The following SLC24A2 variants were observed in gnomAD, a reference collection of about 807,000 sequenced individuals.
The protein encoded by SLC24A2 is sodium/potassium/calcium exchanger 2.
Under a neutral mutation model 62.0 loss-of-function variants are expected in SLC24A2, and 36 were observed. That is an observed-to-expected ratio of 0.58 (90% CI 0.44 to 0.77). SLC24A2 has a LOEUF of 0.77. Among genes scored for constraint, SLC24A2 ranks in the 30% least tolerant of loss-of-function variants. The pLI is 0.00. For synonymous variants in SLC24A2, 358 were observed against 294.0 expected (o/e 1.22, Z -2.23); for missense variants, 846 against 817.9 (o/e 1.03, Z -0.42).
At chr9:19,597,343 T>C in intron 4 of SLC24A2, 64 bp from the exon 5 acceptor site, 1 of 1,086,860 alleles carries the variant, frequency 9.2e-7, no homozygotes. Context: ...ACTTTGTTTT[T>C]ACACATTTTT....
At chr9:19,570,602 C>T (rs1363234290) in intron 7 of SLC24A2, among the ~76,000 whole-genome samples, 3 of 152,176 alleles carry the variant, frequency 2.0e-5, no homozygotes, top group Non-Finnish European at 4.4e-5. Flanking sequence ...AAGGACACCT[C>T]GAATGGTGTT....
chr9:20,058,160 A>G, the SLC24A2 span, among the ~76,000 whole-genome samples: 1 of 152,234 alleles, frequency 6.6e-6, no homozygotes, highest in Non-Finnish European at 1.5e-5. Context: ...TCTTTCAGCC[A>G]TAACTTTTCT....
intron 2 of SLC24A2, among the ~76,000 whole-genome samples, chr9:19,679,749 C>T (rs935521834): frequency 2.6e-5 from 4 of 152,070 alleles, no homozygotes; most frequent in African/African-American, 9.7e-5. Context: ...TGGCTTTCTT[C>T]GTTCTCCATC....
At chr9:20,097,720 A>ATTTTTTTTTTTTTTTTTTT in the SLC24A2 span, among the ~76,000 whole-genome samples, 4 of 69,114 alleles carry the variant, frequency 5.8e-5, no homozygotes, top group Non-Finnish European at 1.1e-4. Flanking sequence ...ATCTTAAATA[A>ATTTTTTTTTTTTTTTTTTT]TTTTTTTTTT....
At chr9:20,276,144 C>A in the SLC24A2 span, among the ~76,000 whole-genome samples, 3 of 152,158 alleles carry the variant, frequency 2.0e-5, no homozygotes, top group Admixed American at 2.0e-4. Flanking sequence ...TCATTTCAGC[C>A]TTAACTCAAA....
At chr9:20,102,320 G>T in the SLC24A2 span, among the ~76,000 whole-genome samples, 6 of 151,268 alleles carry the variant, frequency 4.0e-5, no homozygotes, top group Admixed American at 1.3e-4. Context: ...ATAAAAAAAA[G>T]TAAGAGATCA....
At chr9:19,929,486 C>T in the SLC24A2 span, 1 of 152,226 alleles carries the variant, frequency 6.6e-6, no homozygotes, top group East Asian at 1.9e-4. Flanking sequence ...ATCCTATTGC[C>T]TGGTGACATT....
the SLC24A2 span, among the ~76,000 whole-genome samples, chr9:19,896,711 C>A: frequency 6.6e-6 from 1 of 152,108 alleles, no homozygotes; most frequent in Non-Finnish European, 1.5e-5. Context: ...TCCTTCACAG[C>A]ATTATGGTGA....
chr9:19,591,398 T>C (rs983732288), intron 5 of SLC24A2, among the ~76,000 whole-genome samples: 1 of 152,246 alleles, frequency 6.6e-6, no homozygotes, highest in Non-Finnish European at 1.5e-5. Context: ...GCCTATCCAA[T>C]ATCTATTCCA....
the SLC24A2 span, among the ~76,000 whole-genome samples, chr9:20,004,994 T>C: frequency 1.1e-4 from 16 of 152,296 alleles, no homozygotes; most frequent in East Asian, 1.9e-4. Context: ...CTCCAGTCTA[T>C]TGGTTATCAC....
chr9:19,723,189 T>G (rs1243754283), intron 2 of SLC24A2, among the ~76,000 whole-genome samples: 4 of 152,156 alleles, frequency 2.6e-5, no homozygotes, highest in African/African-American at 9.7e-5. Flanking sequence ...ATCATGCACA[T>G]TCCTGCAATT....
At chr9:20,245,485 G>A in the SLC24A2 span, among the ~76,000 whole-genome samples, 1 of 152,180 alleles carries the variant, frequency 6.6e-6, no homozygotes, top group East Asian at 1.9e-4. Context: ...GAGTGGCAAG[G>A]AATGGCTAAT....
intron 9 of SLC24A2, among the ~76,000 whole-genome samples, chr9:19,526,379 C>A (rs143568403): frequency 6.6e-6 from 1 of 152,250 alleles, no homozygotes; most frequent in Non-Finnish European, 1.5e-5. Flanking sequence ...AGTGGAATTG[C>A]TAGATCATAT....
At position 19,509,185 on chromosome 9, in the gene SLC24A2, G is replaced by GA. The variant is rs1832617250; in HGVS notation, c.*6967dup. The GA allele has an allele frequency of 1.3e-5, 2 of 152,116 alleles. No individual in the cohort carries two copies. The highest frequency in any genetic ancestry group is 2.4e-5 in the African/African-American group (1 of 41,516). The allele number at this position is 152,116 out of a possible 1,614,324, so 9.4% of individuals were successfully genotyped here. A position where few individuals can be genotyped will look rare whatever the true frequency, so the allele number is the denominator to read the frequency against. On this transcript the variant is annotated 3_prime_UTR_variant, in exon 11 of 11. Transcript: ENST00000341998. ...GCTTTATATAACAAAATGGATTCCT[G>GA]AAAAAAATCTACAATTTTAAAATAA...
chr9:19,977,684 A>T, the SLC24A2 span, among the ~76,000 whole-genome samples: 3 of 152,196 alleles, frequency 2.0e-5, no homozygotes, highest in African/African-American at 7.2e-5. Flanking sequence ...AGAAAGCAGG[A>T]ACAATTTGAA....
intron 2 of SLC24A2, among the ~76,000 whole-genome samples, chr9:19,627,516 A>G (rs1818064208): frequency 1.3e-5 from 2 of 152,206 alleles, no homozygotes; most frequent in South Asian, 4.2e-4. Context: ...AGAGTCTCCA[A>G]AATTTCTTGA....
At chr9:20,016,743 A>G in the SLC24A2 span, among the ~76,000 whole-genome samples, 11 of 152,302 alleles carry the variant, frequency 7.2e-5, no homozygotes, top group African/African-American at 2.6e-4. Context: ...ACACACAAAC[A>G]CATACACACA....
the SLC24A2 span, among the ~76,000 whole-genome samples, chr9:19,922,631 T>C: frequency 4.5e-4 from 69 of 152,292 alleles, 1 homozygote; most frequent in South Asian, 0.013. Flanking sequence ...ACAGGAGGGA[T>C]TGGCGAGCAT....
chr9:20,163,763 G>A, the SLC24A2 span, among the ~76,000 whole-genome samples: 3 of 152,094 alleles, frequency 2.0e-5, no homozygotes, highest in Non-Finnish European at 4.4e-5. Flanking sequence ...AAAACAGCAC[G>A]GTACTGGTAC....
Sources: gnomAD v4.1 joint callset for allele counts (sites outside exome capture counted in the v4.1 genomes callset) on GRCh38, gnomAD v4.1.1 for gene constraint, MANE v1.5 for transcripts, NCBI Gene and HGNC (gene_info 2026-07-23, HGNC 2026-07-21) for gene names.